Variants in THSD4 observed in about 807,000 individuals in gnomAD.
THSD4 encodes thrombospondin type 1 domain containing 4.
Under a neutral mutation model 119.0 loss-of-function variants are expected in THSD4, and 69 were observed. The observed-to-expected ratio is 0.58, with a 90% CI of 0.48 to 0.71. The LOEUF is 0.71. THSD4 is among the 30% of genes least tolerant of loss of function. The probability of loss-of-function intolerance (pLI) is 0.00; values close to 1 mark genes in which losing one functional copy is unlikely to be tolerated. For missense variants in THSD4, 1,393 were observed against 1,391.1 expected, an observed-to-expected ratio of 1.00 and a Z score of -0.02; for synonymous variants, 524 against 540.4, an observed-to-expected ratio of 0.97 and a Z score of 0.42.
At chr15:71,581,078 G>C (rs1033406783) in intron 7 of THSD4, among the ~76,000 whole-genome samples, 4 of 152,116 alleles carry the variant, frequency 2.6e-5, no homozygotes, top group African/African-American at 7.2e-5. Context: ...TATATACTCA[G>C]AAGAGGGATA....
At chr15:71,224,981 GA>G in intron 4 of THSD4, among the ~76,000 whole-genome samples, 1 of 152,150 alleles carries the variant, frequency 6.6e-6, no homozygotes, top group Non-Finnish European at 1.5e-5. Context: ...CTTTGGAAGG[GA>G]GGGGGGACAT....
intron 6 of THSD4, among the ~76,000 whole-genome samples, chr15:71,337,643 C>T (rs1179955716): frequency 6.6e-6 from 1 of 152,154 alleles, no homozygotes; most frequent in African/African-American, 2.4e-5. Flanking sequence ...TTACTGGGCT[C>T]TGGGAGGTTC....
At chr15:71,669,290 T>C (rs1013794521) in intron 8 of THSD4, among the ~76,000 whole-genome samples, 4 of 152,274 alleles carry the variant, frequency 2.6e-5, no homozygotes, top group African/African-American at 4.8e-5. Context: ...AGTTTTCTTA[T>C]TGATTTTAAG....
intron 6 of THSD4, among the ~76,000 whole-genome samples, chr15:71,378,487 C>G (rs1167848726): frequency 6.6e-6 from 1 of 152,168 alleles, no homozygotes; most frequent in Non-Finnish European, 1.5e-5. Context: ...AGACCTCTGT[C>G]TAGGCTATGA....
At chr15:71,281,885 C>T (rs1424967617) in intron 6 of THSD4, among the ~76,000 whole-genome samples, 1 of 152,222 alleles carries the variant, frequency 6.6e-6, no homozygotes, top group Non-Finnish European at 1.5e-5. Flanking sequence ...GTTCAGCCAT[C>T]AGCAGTTTCA....
chr15:71,602,553 CAAAA>C (rs59370074), intron 7 of THSD4, among the ~76,000 whole-genome samples: 143 of 53,884 alleles, frequency 2.7e-3, no homozygotes, highest in African/African-American at 6.1e-3. Flanking sequence ...AACTCTGTCT[CAAAA>C]AAAAAAAAAA....
intron 7 of THSD4, among the ~76,000 whole-genome samples, chr15:71,461,316 C>G (rs1566992326): frequency 6.6e-6 from 1 of 152,188 alleles, no homozygotes; most frequent in Non-Finnish European, 1.5e-5. Flanking sequence ...CCCAGGTGAT[C>G]TAAGAAAGTG....
At chr15:71,452,493 A>G (rs913934646) in intron 7 of THSD4, among the ~76,000 whole-genome samples, 2 of 147,842 alleles carry the variant, frequency 1.4e-5, no homozygotes, top group African/African-American at 2.5e-5. Flanking sequence ...AACCCTTGTC[A>G]TGGCTGAAAT....
intron 7 of THSD4, among the ~76,000 whole-genome samples, chr15:71,425,633 T>C (rs2046857587): frequency 6.6e-6 from 1 of 152,202 alleles, no homozygotes; most frequent in South Asian, 2.1e-4. Context: ...CATGGGAATG[T>C]ATGTGCTGTC....
chr15:71,762,749 T>C lies in THSD4; in HGVS notation c.2590-2271T>C, dbSNP rs1314995699. On this transcript the variant is annotated intron_variant, in intron 15 of 17. Coordinates refer to ENST00000261862, the MANE Select transcript of THSD4 (RefSeq NM_024817.3). ...AATCATAAACTAACATGGAAGAAAA[T>C]AGGAGAAACAGAGTGGGAAATCTTA... Among the ~76,000 whole-genome samples the C allele has an allele frequency of 4.6e-5, 7 of 151,866 alleles. No homozygotes were observed. The East Asian group carries it at 1.2e-3, about 25-fold the overall frequency.
At chr15:71,703,627 G>T (rs1347476999) in intron 8 of THSD4, among the ~76,000 whole-genome samples, 4 of 152,150 alleles carry the variant, frequency 2.6e-5, no homozygotes, top group African/African-American at 7.2e-5. Flanking sequence ...AGGGCTTGGT[G>T]CTCTGACACA....
Position 71,731,128 on chromosome 15 carries a change from A to G in THSD4, c.1541A>G (p.His514Arg), listed in dbSNP as rs1311740443. 6.2e-7 allele frequency: 1 copy of G among 1,614,154 alleles called. No homozygotes were observed. The highest frequency in any genetic ancestry group is 1.1e-5 in the South Asian group (1 of 91,086). ...TNEILDVYMI[H>R]QQPNPGVHYE... ...TGATTTTTGTGTCAGCAGATGATAC[A>G]CCAGCAGCCAAACCCAGGCGTGCAC... is the stretch of plus-strand genomic sequence containing the variant. The change falls in exon 10 of 18, where the codon CAC (histidine) becomes CGC (arginine). Residue 514 changes from histidine (H) to arginine (R), a missense_variant. Physicochemically the swap from His to Arg is conservative, Grantham distance 29. Coordinates refer to ENST00000261862, the MANE Select transcript of THSD4 (RefSeq NM_024817.3).
At chr15:71,105,181 T>C (rs1469704120) in intron 1 of THSD4, among the ~76,000 whole-genome samples, 3 of 152,202 alleles carry the variant, frequency 2.0e-5, no homozygotes, top group Non-Finnish European at 4.4e-5. Flanking sequence ...CTACTTCAGA[T>C]GTCAATCACC....
At chr15:71,199,681 TGTGTGTGTGGTGTGTGTGGTGTCTGG>T (rs2043765471) in intron 3 of THSD4, among the ~76,000 whole-genome samples, 5 of 112,034 alleles carry the variant, frequency 4.5e-5, no homozygotes, top group East Asian at 2.8e-4. Flanking sequence ...GGAGGGTGTG[TGTGTGTGTGGTGTGTGTGGTGTCTGG>T]GTGTGTGGTG....
intron 2 of THSD4, chr15:71,147,645 T>C (rs1177642150): frequency 6.6e-6 from 1 of 152,118 alleles, no homozygotes; most frequent in African/African-American, 2.4e-5. Flanking sequence ...AGGAGGGAAA[T>C]TTACCAAAGC....
chr15:71,459,372 GTCTCTCTGTCTC>G (rs1198423994), intron 7 of THSD4, among the ~76,000 whole-genome samples: 4 of 99,976 alleles, frequency 4.0e-5, no homozygotes, highest in African/African-American at 6.0e-5. Flanking sequence ...CTGTCTCTCT[GTCTCTCTGTCTC>G]TCTCTCTCTC....
chr15:71,560,983 T>G (rs977485528), intron 7 of THSD4, among the ~76,000 whole-genome samples: 149 of 149,358 alleles, frequency 1.0e-3, no homozygotes, highest in African/African-American at 3.6e-3. Flanking sequence ...TTTTTTTTTT[T>G]TTTTTTTTTG....
chr15:71,485,685 G>GA lies in THSD4; in HGVS notation c.1152+73873dup, dbSNP rs535593331. 5.9e-3 allele frequency among the ~76,000 whole-genome samples: 814 copies of GA among 137,184 alleles called. 22 individuals are homozygous for GA. The South Asian group carries it at 0.076, about 13-fold the overall frequency. 90.0% of individuals were successfully genotyped at this position (137,184 alleles called of 152,430 possible). A position where few individuals can be genotyped will look rare whatever the true frequency, so the allele number is the denominator to read the frequency against. ...CTTGTCCAGGGCCCACAGCTCTTAA[G>GA]AAAAAAAAAAAGAGAGAGAATAAAA... On this transcript the variant is annotated intron_variant, in intron 7 of 17. Coordinates refer to ENST00000261862, the MANE Select transcript of THSD4 (RefSeq NM_024817.3).
intron 8 of THSD4, among the ~76,000 whole-genome samples, chr15:71,696,911 A>G (rs62024320): frequency 0.029 from 4,398 of 152,274 alleles, 78 homozygotes; most frequent in Non-Finnish European, 0.046. Flanking sequence ...AAGTCCACCC[A>G]AAGCCTGAAA....
Sources: allele counts gnomAD v4.1 joint callset (sites outside exome capture counted in the v4.1 genomes callset), GRCh38; gene constraint gnomAD v4.1.1; transcripts MANE v1.5; gene names NCBI Gene and HGNC (gene_info 2026-07-23, HGNC 2026-07-21).